Variants in FBXL2 observed in about 807,000 individuals in gnomAD.
FBXL2 encodes F-box and leucine rich repeat protein 2, also known as F-box/LRR-repeat protein 2.
FBXL2 carries 38 observed loss-of-function variants against 69.2 expected under a neutral mutation model. The ratio of observed to expected loss-of-function variants is 0.55; its 90% CI spans 0.42 to 0.72. FBXL2 has a LOEUF of 0.72. Ranked by LOEUF, FBXL2 falls within the 30% of genes least tolerant of loss-of-function variation. The pLI is 0.00. For synonymous variants in FBXL2, 192 were observed against 201.3 expected, an observed-to-expected ratio of 0.95 and a Z score of 0.39; for missense variants, 354 against 520.3, an observed-to-expected ratio of 0.68 and a Z score of 3.11.
intron 12 of FBXL2, among the ~76,000 whole-genome samples, chr3:33,399,933 C>T (rs561441476): frequency 2.6e-5 from 4 of 152,076 alleles, no homozygotes; most frequent in Non-Finnish European, 2.9e-5. Context: ...ACTATATACA[C>T]CTACACACAA....
At chr3:33,353,847 C>T (rs2041002208) in intron 2 of FBXL2, among the ~76,000 whole-genome samples, 1 of 152,054 alleles carries the variant, frequency 6.6e-6, no homozygotes, top group African/African-American at 2.4e-5. Context: ...ATGATCATAC[C>T]ACCATACTCT....
At position 33,314,386 on chromosome 3, in the gene FBXL2, T is replaced by C. The variant is rs182659893; in HGVS notation, c.65+16661T>C. On this transcript the variant is annotated intron_variant, in intron 2 of 14. Coordinates refer to ENST00000484457, the MANE Select transcript of FBXL2 (RefSeq NM_012157.5). ...CTCTCCTCTTCTATGAGTTCAACTT[T>C]TTTACATGCCACGTATAAGTGAGAT... is the stretch of plus-strand genomic sequence containing the variant. 2.6e-5 allele frequency among the ~76,000 whole-genome samples: 4 copies of C among 152,306 alleles called. No homozygotes were observed. The East Asian group carries it at 7.7e-4, about 29-fold the overall frequency.
At chr3:33,309,712 C>T (rs995725795) in intron 2 of FBXL2, among the ~76,000 whole-genome samples, 1 of 152,102 alleles carries the variant, frequency 6.6e-6, no homozygotes, top group Admixed American at 6.6e-5. Context: ...TGATATCTTC[C>T]TTTGTGATTA....
intron 13 of FBXL2, among the ~76,000 whole-genome samples, chr3:33,379,005 G>T (rs1250387145): frequency 6.6e-6 from 1 of 151,912 alleles, no homozygotes; most frequent in Non-Finnish European, 1.5e-5. Flanking sequence ...TTTAAGGAAT[G>T]AACATCTTTT....
chr3:33,286,556 C>A (rs2034638986), intron 1 of FBXL2, among the ~76,000 whole-genome samples: 2 of 152,238 alleles, frequency 1.3e-5, no homozygotes, highest in African/African-American at 4.8e-5. Flanking sequence ...CCACTACTCT[C>A]TTCAAAGCTG....
chr3:33,351,220 G>A (rs1329096284), intron 2 of FBXL2, among the ~76,000 whole-genome samples: 2 of 152,048 alleles, frequency 1.3e-5, no homozygotes, highest in African/African-American at 4.8e-5. Context: ...AGCCAAGATT[G>A]CGCCACTGCA....
At chr3:33,318,844 T>C (rs933106020) in intron 2 of FBXL2, among the ~76,000 whole-genome samples, 1 of 152,204 alleles carries the variant, frequency 6.6e-6, no homozygotes, top group African/African-American at 2.4e-5. Flanking sequence ...AAAGAAACCC[T>C]TCTGTCTTCA....
At chr3:33,326,166 A>G (rs529130756) in intron 2 of FBXL2, among the ~76,000 whole-genome samples, 2 of 152,292 alleles carry the variant, frequency 1.3e-5, no homozygotes, top group South Asian at 2.1e-4. Flanking sequence ...AATAGTGTCT[A>G]TACTTCTTAG....
At chr3:33,407,344 C>T (rs114894012), downstream of FBXL2, among the ~76,000 whole-genome samples, 122 of 152,136 alleles carry the variant, frequency 8.0e-4, no homozygotes, top group African/African-American at 2.6e-3. Context: ...TAGGAATTAC[C>T]AGAACCTACT....
chr3:33,294,754 G>A (rs1380698531), intron 1 of FBXL2, among the ~76,000 whole-genome samples: 1 of 151,232 alleles, frequency 6.6e-6, no homozygotes, highest in Non-Finnish European at 1.5e-5. Context: ...GAGGTGGGAG[G>A]ATTGCTTGAG....
At chr3:33,311,743 G>C (rs2037217656) in intron 2 of FBXL2, among the ~76,000 whole-genome samples, 3 of 152,110 alleles carry the variant, frequency 2.0e-5, no homozygotes, top group Admixed American at 2.0e-4. Flanking sequence ...TCTGGCCTCA[G>C]CCTCCTGAGT....
chr3:33,348,005 G>A (rs964184610), intron 2 of FBXL2, among the ~76,000 whole-genome samples: 3 of 151,922 alleles, frequency 2.0e-5, no homozygotes, highest in Non-Finnish European at 4.4e-5. Flanking sequence ...ATCCTTTGCT[G>A]TGCAGAAGCT....
chr3:33,347,433 A>G (rs890318228), intron 2 of FBXL2, among the ~76,000 whole-genome samples: 1 of 152,174 alleles, frequency 6.6e-6, no homozygotes. Flanking sequence ...ATGGACACTT[A>G]AGTTGCTTCC....
intron 2 of FBXL2, among the ~76,000 whole-genome samples, chr3:33,298,222 G>T (rs902018478): frequency 6.6e-6 from 1 of 152,170 alleles, no homozygotes; most frequent in African/African-American, 2.4e-5. Flanking sequence ...AGTGACAGTA[G>T]TATAAAATAG....
chr3:33,377,151 C>A, intron 10 of FBXL2, 122 bp from the exon 11 acceptor site: 1 of 907,214 alleles, frequency 1.1e-6, no homozygotes, highest in Non-Finnish European at 1.8e-6. Context: ...TCCCTAAGGG[C>A]TGTTAACAGA....
intron 9 of FBXL2, 37 bp downstream of exon 9, chr3:33,373,958 A>G (rs747131185): frequency 4.4e-6 from 7 of 1,605,926 alleles, no homozygotes; most frequent in Non-Finnish European, 6.0e-6. Context: ...TGTTTGCTCT[A>G]TCTTGTCTCC....
chr3:33,370,494 C>G (rs755851608), intron 5 of FBXL2, among the ~76,000 whole-genome samples: 6 of 151,724 alleles, frequency 4.0e-5, no homozygotes, highest in Non-Finnish European at 7.4e-5. Flanking sequence ...GGATGGTGCT[C>G]CTCTGTTTTC....
At chr3:33,355,551 CA>C (rs1319974057) in intron 2 of FBXL2, among the ~76,000 whole-genome samples, 20 of 152,118 alleles carry the variant, frequency 1.3e-4, no homozygotes, top group African/African-American at 4.8e-4. Context: ...TGAAGAAGAA[CA>C]AAGTTGAAGG....
chr3:33,422,500 T>C, the FBXL2 span, among the ~76,000 whole-genome samples: 1 of 152,126 alleles, frequency 6.6e-6, no homozygotes. Context: ...GAAGATCGTT[T>C]GAGCCCAGGA....
Sources: allele counts gnomAD v4.1 joint callset (sites outside exome capture counted in the v4.1 genomes callset), GRCh38; gene constraint gnomAD v4.1.1; transcripts MANE v1.5; gene names NCBI Gene and HGNC (gene_info 2026-07-23, HGNC 2026-07-21).